Variants in PLCB1 observed in about 807,000 individuals in gnomAD.
PLCB1 encodes the protein 1-phosphatidylinositol 4,5-bisphosphate phosphodiesterase beta-1.
A neutral mutation model predicts 161.8 loss-of-function variants in PLCB1; 46 were observed. The observed-to-expected ratio is 0.28, with a 90% CI of 0.22 to 0.36. The LOEUF (loss-of-function observed/expected upper bound fraction) is 0.36, where lower values mean the gene tolerates loss of function less well. PLCB1 is among the 10% of genes least tolerant of loss of function. The pLI, the probability that PLCB1 is intolerant of heterozygous loss-of-function variation, is 1.00. For synonymous variants in PLCB1, 517 were observed against 503.7 expected, an observed-to-expected ratio of 1.03 and a Z score of -0.35; for missense variants, 1,016 against 1,472.5, an observed-to-expected ratio of 0.69 and a Z score of 5.07.
chr20:8,717,872 C>T (rs577804933), intron 14 of PLCB1, 24 bp downstream of exon 14: 56 of 1,590,742 alleles, frequency 3.5e-5, no homozygotes, highest in Middle Eastern at 3.4e-4. Flanking sequence ...GGGCTCTCCC[C>T]GTCATGTTTT....
chr20:8,174,454 G>T (rs1224810287), intron 2 of PLCB1, among the ~76,000 whole-genome samples: 1 of 152,154 alleles, frequency 6.6e-6, no homozygotes, highest in Non-Finnish European at 1.5e-5. Context: ...CACCCATTAA[G>T]ATTGACTAAT....
intron 3 of PLCB1, among the ~76,000 whole-genome samples, chr20:8,567,511 A>G (rs1386575130): frequency 6.6e-6 from 1 of 152,142 alleles, no homozygotes; most frequent in East Asian, 1.9e-4. Context: ...AAATCTCTCT[A>G]AAATAGTAAT....
intron 31 of PLCB1, among the ~76,000 whole-genome samples, chr20:8,808,042 A>G (rs539431472): frequency 6.6e-6 from 1 of 152,306 alleles, no homozygotes; most frequent in African/African-American, 2.4e-5. Flanking sequence ...GCTGAGACCT[A>G]GAGGAGCAGA....
At chr20:8,581,412 A>T (rs1386596433) in intron 3 of PLCB1, among the ~76,000 whole-genome samples, 16 of 152,214 alleles carry the variant, frequency 1.1e-4, no homozygotes, top group Admixed American at 1.0e-3. Context: ...TGAACCTAGG[A>T]TGACATTTGA....
intron 2 of PLCB1, 174 bp from the exon 3 acceptor site, chr20:8,371,208 T>G (rs1287800737): frequency 3.7e-6 from 2 of 542,654 alleles, no homozygotes; most frequent in East Asian, 6.0e-5. Flanking sequence ...GTTAGCTGTC[T>G]TTTGTTTCCA....
intron 3 of PLCB1, among the ~76,000 whole-genome samples, chr20:8,472,698 C>T (rs929519549): frequency 6.6e-6 from 1 of 151,882 alleles, no homozygotes; most frequent in Non-Finnish European, 1.5e-5. Context: ...AAGTTATCTT[C>T]GTCATTGAGA....
In PLCB1 at chr20:8,340,417, TTTTTTGTTTTTG is replaced by T. The variant is rs573922262; in HGVS notation, c.178-30952_178-30941del. 1.3e-4 allele frequency among the ~76,000 whole-genome samples: 20 copies of T among 152,286 alleles called. No individual in the cohort carries two copies. The East Asian group carries it at 3.7e-3, about 28-fold the overall frequency. ...TTAATATATTGTTAAATTCTAGTTT[TTTTTTGTTTTTG>T]TTTTTGTTTTTGAGACGGAGTCTCG... is the stretch of plus-strand genomic sequence containing the variant. On this transcript the variant is annotated intron_variant, in intron 2 of 31. Transcript: ENST00000338037.
intron 22 of PLCB1, 101 bp from the exon 23 acceptor site, chr20:8,741,363 T>C (rs1980869822): frequency 1.4e-6 from 1 of 732,872 alleles, no homozygotes; most frequent in Non-Finnish European, 2.4e-6. Context: ...GGGTGATGAA[T>C]GAATGCATGG....
intron 23 of PLCB1, among the ~76,000 whole-genome samples, chr20:8,745,747 A>T (rs1222951981): frequency 6.6e-6 from 1 of 152,182 alleles, no homozygotes; most frequent in Non-Finnish European, 1.5e-5. Context: ...CAAGTTGTAG[A>T]GTAAGTGCCT....
chr20:8,448,126 T>C (rs1240241608), intron 3 of PLCB1, among the ~76,000 whole-genome samples: 1 of 152,250 alleles, frequency 6.6e-6, no homozygotes, highest in African/African-American at 2.4e-5. Flanking sequence ...AGAAACTGTT[T>C]GTTGAGTAGG....
chr20:8,388,342 A>C (rs145152842), intron 3 of PLCB1, among the ~76,000 whole-genome samples: 77 of 152,324 alleles, frequency 5.1e-4, no homozygotes, highest in African/African-American at 1.8e-3. Flanking sequence ...TTTGGATGTT[A>C]TACAACAGTG....
At chr20:8,431,405 CAGA>C (rs1407225662) in intron 3 of PLCB1, among the ~76,000 whole-genome samples, 1 of 152,114 alleles carries the variant, frequency 6.6e-6, no homozygotes. Flanking sequence ...GAAACAGAAG[CAGA>C]AGGAGAGGGA....
intron 23 of PLCB1, chr20:8,750,869 A>T (rs761028272): frequency 1.1e-4 from 153 of 1,363,496 alleles, no homozygotes; most frequent in Non-Finnish European, 4.9e-6. Context: ...TGATGGCCTT[A>T]CCTCTTACCC....
intron 31 of PLCB1, among the ~76,000 whole-genome samples, chr20:8,861,248 A>G (rs140974591): frequency 1.3e-3 from 202 of 152,350 alleles, no homozygotes; most frequent in African/African-American, 4.6e-3. Flanking sequence ...TATAAAGCAA[A>G]CAAGTTTAAC....
chr20:8,795,890 A>AAG (rs75896529), intron 31 of PLCB1, among the ~76,000 whole-genome samples: 7 of 139,788 alleles, frequency 5.0e-5, no homozygotes, highest in Admixed American at 7.1e-5. Context: ...AAAAAAAAAA[A>AAG]AAAAGAAAAG....
At chr20:8,576,849 ACAATAAT>A (rs1359829807) in intron 3 of PLCB1, among the ~76,000 whole-genome samples, 1 of 152,238 alleles carries the variant, frequency 6.6e-6, no homozygotes, top group Non-Finnish European at 1.5e-5. Flanking sequence ...GATTAACTAC[ACAATAAT>A]TCATACATTA....
At chr20:8,449,818 G>A (rs1980993697) in intron 3 of PLCB1, among the ~76,000 whole-genome samples, 1 of 152,176 alleles carries the variant, frequency 6.6e-6, no homozygotes, top group Non-Finnish European at 1.5e-5. Flanking sequence ...CCAAAGTGCT[G>A]TTTTGGGGAG....
intron 3 of PLCB1, among the ~76,000 whole-genome samples, chr20:8,424,875 TG>T (rs1247050219): frequency 6.6e-6 from 1 of 152,064 alleles, no homozygotes; most frequent in Non-Finnish European, 1.5e-5. Context: ...CACTCCACAG[TG>T]TGGGAATGGA....
chr20:8,350,830 A>G (rs935080543), intron 2 of PLCB1, among the ~76,000 whole-genome samples: 9 of 152,248 alleles, frequency 5.9e-5, no homozygotes, highest in African/African-American at 2.2e-4. Context: ...AATACCAGAA[A>G]ACTCTGATAA....
Sources: allele counts gnomAD v4.1 joint callset (sites outside exome capture counted in the v4.1 genomes callset), GRCh38; gene constraint gnomAD v4.1.1; transcripts MANE v1.5; gene names NCBI Gene and HGNC (gene_info 2026-07-23, HGNC 2026-07-21).